CHRNE: variants seen among roughly 807,000 people sequenced by gnomAD.
The protein encoded by CHRNE is acetylcholine receptor subunit epsilon.
In CHRNE, 58 loss-of-function variants were observed where a neutral mutation model predicts 56.5. That is an observed-to-expected ratio of 1.03 (90% CI 0.83 to 1.28). The LOEUF (loss-of-function observed/expected upper bound fraction) is 1.28. Among genes scored for constraint, CHRNE ranks in the 50% most tolerant of loss-of-function variants. The pLI is 0.00. For missense variants in CHRNE, 793 were observed against 688.9 expected, an observed-to-expected ratio of 1.15 and a Z score of -1.69; for synonymous variants, 385 against 297.9, an observed-to-expected ratio of 1.29 and a Z score of -3.01.
intron 8 of CHRNE, chr17:4,900,473 A>ATC: frequency 6.4e-7 from 1 of 1,551,126 alleles, no homozygotes; most frequent in Admixed American, 2.0e-5. Context: ...GACAGTCGCA[A>ATC]CAGCAGCTAG....
In CHRNE at chr17:4,899,175, CGGG is replaced by C; in HGVS notation, c.1219+20_1219+22del. Reference sequence around the variant, plus strand: ...CTGGCAGGCACCCCGCGCGGCCCCCCGGGCCAGGGCCACTGTGCTCACCCGTCC... The same window carrying C: ...CTGGCAGGCACCCCGCGCGGCCCCCCCCAGGGCCACTGTGCTCACCCGTCC... On this transcript the variant is annotated intron_variant, in intron 10 of 11. Transcript: ENST00000649488. 2 of 1,595,060 alleles carry C rather than the reference CGGG, an allele frequency of 1.3e-6. No homozygotes were observed. Among genetic ancestry groups the C allele is most frequent in the Non-Finnish European group, 8.5e-7 (1 of 1,173,532 alleles).
Position 4,898,731 on chromosome 17 carries a change from G to A in CHRNE, c.*5C>T, listed in dbSNP as rs747566295. On this transcript the variant is annotated 3_prime_UTR_variant, in exon 12 of 12. Transcript: ENST00000649488. The stretch of plus-strand genomic sequence containing the variant: ...AGATGGGTGGGAAATTGAAGTCGGT[G>A]CGAGCTAAGGCTGGATACACGGCGC... The A allele has an allele frequency of 3.6e-5, 58 of 1,608,986 alleles. No individual in the cohort carries two copies. Among genetic ancestry groups the A allele is most frequent in the Middle Eastern group, 1.7e-4 (1 of 6,054 alleles).
intron 11 of CHRNE, 22 bp from the exon 12 acceptor site, chr17:4,898,913 C>T (rs748075130): frequency 1.8e-4 from 278 of 1,570,656 alleles, no homozygotes; most frequent in Middle Eastern, 5.0e-4. Flanking sequence ...TCGGCACAGT[C>T]AGTAAAGAGG....
chr17:4,899,905 C>T (rs1215954175), intron 8 of CHRNE: 1 of 1,549,412 alleles, frequency 6.5e-7, no homozygotes, highest in East Asian at 2.4e-5. Context: ...GACCCCTGCC[C>T]TGCTACTCTA....
chr17:4,900,895 T>G lies in CHRNE; in HGVS notation c.815A>C (p.Lys272Thr), dbSNP rs1969960650. ...CAGGACGTTGATGGAGACCGTGCAT[T>G]TCTGGCCGCCGGCTGGAGGGAGAGC... is the stretch of plus-strand genomic sequence containing the variant. ...YFLPAQAGGQ[K>T]CTVSINVLLA... The change falls in exon 8 of 12, where the codon AAA (lysine) becomes ACA (threonine). Residue 272 changes from lysine (K) to threonine (T), a missense_variant. By Grantham distance (78) the Lys-to-Thr change is moderately conservative. Transcript: ENST00000649488. 6.2e-7 allele frequency: 1 copy of G among 1,614,106 alleles called. No homozygotes were observed. The highest frequency in any genetic ancestry group is 8.5e-7 in the Non-Finnish European group (1 of 1,179,968).
chr17:4,900,276 G>A (rs1326059949), intron 8 of CHRNE: 1 of 1,545,794 alleles, frequency 6.5e-7, no homozygotes, highest in Admixed American at 2.0e-5. Flanking sequence ...GCGGCGACTA[G>A]ACGGCAGCGC....
chr17:4,903,759 G>T (rs1226006408), upstream of CHRNE, among the ~76,000 whole-genome samples: 3 of 152,134 alleles, frequency 2.0e-5, no homozygotes, highest in South Asian at 2.1e-4. Context: ...TGTGGTCACA[G>T]ATGATAGTAC....
chr17:4,905,064 C>G (rs922722509), upstream of CHRNE, among the ~76,000 whole-genome samples: 1 of 152,218 alleles, frequency 6.6e-6, no homozygotes, highest in African/African-American at 2.4e-5. Flanking sequence ...ATTCAAACAT[C>G]AGTGGACACC....
chr17:4,899,880 C>G, intron 8 of CHRNE: 10 of 1,548,998 alleles, frequency 6.5e-6, no homozygotes, highest in Non-Finnish European at 8.7e-6. Context: ...GGGTAGGTCT[C>G]CTGTTCGCCC....
chr17:4,898,765 G>T lies in CHRNE; in HGVS notation c.1453C>A (p.Leu485Ile), dbSNP rs1085307690. Residue 485 changes from leucine to isoleucine, a missense_variant, in exon 12 of 12, where the codon CTC (leucine) becomes ATC (isoleucine). By Grantham distance (5) the Leu-to-Ile change is conservative. Coordinates refer to ENST00000649488, the MANE Select transcript of CHRNE (RefSeq NM_000080.4). ...GGCTGGATACACGGCGCGTAGGGGA[G>T]ATCAGGCACTCGGTTGAAGTAGGCC... ...LGAYFNRVPDLPYAPCIQP is the reference protein window; with the variant it reads ...LGAYFNRVPDIPYAPCIQP 6.2e-7 allele frequency: 1 copy of T among 1,611,184 alleles called. No individual in the cohort carries two copies. The highest frequency in any genetic ancestry group is 8.5e-7 in the Non-Finnish European group (1 of 1,179,068).
rs1970013388 is a variant in CHRNE at position 4,902,165 on chromosome 17, C to G, written c.344+52G>C. ...TACCCCCTTCCCCAACCAAGTCCAG[C>G]CCGCACCCCAGGCCGGCTTCCCTCC... On this transcript the variant is annotated intron_variant, in intron 4 of 11. Transcript: ENST00000649488. The surrounding 1 kb of genome is among the most constrained non-coding windows in gnomAD (Gnocchi z 4.0). 6.2e-7 allele frequency: 1 copy of G among 1,613,700 alleles called. No individual in the cohort carries two copies. Among genetic ancestry groups the G allele is most frequent in the African/African-American group, 1.3e-5 (1 of 74,924 alleles).
Position 4,901,551 on chromosome 17 carries a change from A to G in CHRNE, c.575T>C (p.Ile192Thr). The change falls in exon 6 of 12, where the codon ATC (isoleucine) becomes ACC (threonine). Residue 192 changes from isoleucine (I) to threonine (T), a missense_variant. Coordinates refer to ENST00000649488, the MANE Select transcript of CHRNE (RefSeq NM_000080.4). ...AGTATAGGCCTCTGTGTCGATGTCGATCTTGTTGATGGTCTTGCCGTCGTT... is the reference window on the plus strand; with the variant it reads ...AGTATAGGCCTCTGTGTCGATGTCGGTCTTGTTGATGGTCTTGCCGTCGTT... ...VDNDGKTINKIDIDTEAYTEN... is the reference protein window; with the variant it reads ...VDNDGKTINKTDIDTEAYTEN... 1 of 1,614,020 alleles carries G rather than the reference A, an allele frequency of 6.2e-7. No individual in the cohort carries two copies. Among genetic ancestry groups the G allele is most frequent in the Middle Eastern group, 1.6e-4 (1 of 6,062 alleles).
At chr17:4,906,576 A>T (rs750415548), upstream of CHRNE, among the ~76,000 whole-genome samples, 1 of 152,172 alleles carries the variant, frequency 6.6e-6, no homozygotes, top group Non-Finnish European at 1.5e-5. Context: ...CCAAACAGGT[A>T]TAAGAAAACG....
chr17:4,902,980 T>G lies in CHRNE; in HGVS notation c.46+38A>C. 1.2e-6 allele frequency: 2 copies of G among 1,613,326 alleles called. No homozygotes were observed. Among genetic ancestry groups the G allele is most frequent in the South Asian group, 2.2e-5 (2 of 91,054 alleles). ...TTCCCAGTCCCTTCATGTCAGTATC[T>G]GTGTGTGTCCAATTGCCCCTCTAGC... On this transcript the variant is annotated intron_variant, in intron 1 of 11. Coordinates refer to ENST00000649488, the MANE Select transcript of CHRNE (RefSeq NM_000080.4). The surrounding 1 kb of genome is among the most constrained non-coding windows in gnomAD (Gnocchi z 4.0).
chr17:4,900,441 C>T (rs1217855507), intron 8 of CHRNE: 1 of 1,551,030 alleles, frequency 6.4e-7, no homozygotes, highest in Non-Finnish European at 8.7e-7. Flanking sequence ...ACGGGGTCTG[C>T]AGGGGTCTGC....
rs766510474 is a variant in CHRNE, at chr17:4,899,740, C to G, written c.918-158G>C. ...ACAGACGCGTCCCCCAGCCCTTCTC[C>G]TGTCCTACCACTTGTGGCGGCCATG... On this transcript the variant is annotated intron_variant, in intron 8 of 11. Transcript: ENST00000649488. The G allele has an allele frequency of 1.9e-6, 3 of 1,549,680 alleles. No homozygotes were observed. The South Asian group carries it at 3.6e-5, about 18-fold the overall frequency.
At chr17:4,908,505 CAGCCACCGTCTTTGTCTAGGTTTG>C (rs1294361568) in intron 1 of CHRNE, among the ~76,000 whole-genome samples, 4 of 149,516 alleles carry the variant, frequency 2.7e-5, no homozygotes, top group African/African-American at 9.9e-5. Context: ...GAGCAACGCT[CAGCCACCGTCTTTGTCTAGGTTTG>C]GTTTGCTCAC....
At position 4,899,386 on chromosome 17, in the gene CHRNE, T is replaced by A. The variant is rs786204773; in HGVS notation, c.1033-2A>T. ...GCGCGGCAGCAGCTCCAGGAGAACC[T>A]GGGGCAGGGGCGGGGCTTAGGGGAC... On this transcript the variant is annotated splice_acceptor_variant, in intron 9 of 11. Transcript: ENST00000649488. LOFTEE classifies it high-confidence loss of function. 5 of 1,533,780 alleles carry A rather than the reference T, an allele frequency of 3.3e-6. No homozygotes were observed. Among genetic ancestry groups the A allele is most frequent in the Non-Finnish European group, 3.5e-6 (4 of 1,144,198 alleles).
At chr17:4,908,106 G>A (rs1360160284) in intron 1 of CHRNE, among the ~76,000 whole-genome samples, 2 of 152,302 alleles carry the variant, frequency 1.3e-5, no homozygotes, top group East Asian at 1.9e-4. Context: ...GGCAGTCAGA[G>A]GTTGCGGTGA....
Sources: allele counts gnomAD v4.1 joint callset (sites outside exome capture counted in the v4.1 genomes callset), GRCh38; gene constraint gnomAD v4.1.1; non-coding constraint Gnocchi (gnomAD v3.1); transcripts MANE v1.5; gene names NCBI Gene and HGNC (gene_info 2026-07-23, HGNC 2026-07-21).